CACNA1A: variants seen among roughly 807,000 people sequenced by gnomAD.
CACNA1A encodes the protein calcium voltage-gated channel subunit alpha1 A, also known as voltage-dependent P/Q-type calcium channel subunit alpha-1A.
CACNA1A carries 57 observed loss-of-function variants against 262.4 expected under a neutral mutation model. The ratio of observed to expected loss-of-function variants is 0.22; its 90% CI spans 0.18 to 0.27. The LOEUF (loss-of-function observed/expected upper bound fraction) is 0.27. CACNA1A is among the 10% of genes least tolerant of loss of function. The probability of loss-of-function intolerance (pLI) is 1.00; values close to 1 mark genes in which losing one functional copy is unlikely to be tolerated. For missense variants in CACNA1A, 2,526 were observed against 3,562.8 expected (o/e 0.71, Z 7.41); for synonymous variants, 1,431 against 1,419.3 (o/e 1.01, Z -0.18).
At chr19:13,477,264 C>T (rs1330785438) in intron 1 of CACNA1A, among the ~76,000 whole-genome samples, 1 of 152,226 alleles carries the variant, frequency 6.6e-6, no homozygotes, top group Non-Finnish European at 1.5e-5. Flanking sequence ...AACTGCCTCC[C>T]CAGCCCTTTC....
intron 4 of CACNA1A, chr19:13,366,184 G>C (rs1053076220): frequency 2.6e-5 from 4 of 152,082 alleles, no homozygotes; most frequent in African/African-American, 7.2e-5. Flanking sequence ...GGATGGTCTC[G>C]ATCTCCTGAC....
chr19:13,499,030 G>A (rs2145164088), intron 1 of CACNA1A, among the ~76,000 whole-genome samples: 1 of 152,210 alleles, frequency 6.6e-6, no homozygotes, highest in Non-Finnish European at 1.5e-5. Context: ...TTTTTAGGGA[G>A]TGAGGAGAAA....
intron 4 of CACNA1A, among the ~76,000 whole-genome samples, chr19:13,369,776 T>C (rs966233460): frequency 6.6e-6 from 1 of 152,204 alleles, no homozygotes; most frequent in Non-Finnish European, 1.5e-5. Flanking sequence ...AGTGCTGGGA[T>C]TACAGGTGTG....
chr19:13,255,730 T>TCCCTCCCTCCTTCTCTCCCG (rs2056539405), intron 28 of CACNA1A, among the ~76,000 whole-genome samples: 1 of 91,750 alleles, frequency 1.1e-5, no homozygotes, highest in Non-Finnish European at 2.1e-5. Context: ...CTTCTCTCCC[T>TCCCTCCCTCCTTCTCTCCCG]CCCTCCTTCC....
At chr19:13,208,253 G>A (rs2054651506) in intron 46 of CACNA1A, among the ~76,000 whole-genome samples, 200 bp from the exon 47 acceptor site, 1 of 146,516 alleles carries the variant, frequency 6.8e-6, no homozygotes, top group South Asian at 2.2e-4. Flanking sequence ...ACAGGGAGGA[G>A]GGAGGGGAGG....
chr19:13,282,261 T>C lies in CACNA1A; in HGVS notation c.3822+1006A>G, dbSNP rs542333522. ...AGCTTTGCCTGGGTCCTAACCTACT[T>C]AGCCAGGGCAGCAGAGCCTTGGACC... On this transcript the variant is annotated intron_variant, in intron 22 of 46. Transcript: ENST00000360228. Among the ~76,000 whole-genome samples, 70 of 152,142 alleles carry C rather than the reference T, an allele frequency of 4.6e-4. 1 individual carries two copies. The South Asian group carries it at 7.1e-3, about 15-fold the overall frequency.
chr19:13,319,939 T>C (rs1009500529), intron 10 of CACNA1A, among the ~76,000 whole-genome samples: 1 of 151,998 alleles, frequency 6.6e-6, no homozygotes, highest in Middle Eastern at 3.2e-3. Context: ...GGCCGCCACA[T>C]TGCACACCTG....
chr19:13,501,333 G>A (rs963638637), intron 1 of CACNA1A, among the ~76,000 whole-genome samples: 3 of 151,394 alleles, frequency 2.0e-5, no homozygotes, highest in Non-Finnish European at 2.9e-5. Flanking sequence ...ACAATACCAC[G>A]CCTGGCTAAT....
Position 13,267,522 on chromosome 19 carries a change from G to A in CACNA1A, c.3990-4689C>T, listed in dbSNP as rs74606740. On this transcript the variant is annotated intron_variant, in intron 24 of 46. Coordinates refer to ENST00000360228, the MANE Select transcript of CACNA1A (RefSeq NM_001127222.2). Reference sequence around the variant, plus strand: ...CCACGGAAAGTCACTGCCAAGAGCCGGAGAAACCCCTCTTCTCCAGGCGTT... The same window carrying A: ...CCACGGAAAGTCACTGCCAAGAGCCAGAGAAACCCCTCTTCTCCAGGCGTT... 3.6e-4 allele frequency among the ~76,000 whole-genome samples: 55 copies of A among 152,268 alleles called. No homozygotes were observed. In the East Asian group the frequency reaches 7.2e-3, roughly 20 times the overall value.
intron 30 of CACNA1A, among the ~76,000 whole-genome samples, chr19:13,246,820 G>A (rs1449083929): frequency 6.6e-6 from 1 of 151,958 alleles, no homozygotes; most frequent in African/African-American, 2.4e-5. Context: ...TAGAGACGGG[G>A]TTTCACCATG....
rs548755996 is a variant in CACNA1A at position 13,466,834 on chromosome 19, T to C, written c.294-11622A>G. 6.6e-5 allele frequency among the ~76,000 whole-genome samples: 10 copies of C among 152,148 alleles called. No individual in the cohort carries two copies. The East Asian group carries it at 1.2e-3, about 18-fold the overall frequency. The stretch of plus-strand genomic sequence containing the variant: ...CTCAACCATTTAGAGAAGCATGATA[T>C]GGACGGTTTTCAAGAGTCCTTCCCT... On this transcript the variant is annotated intron_variant, in intron 1 of 46. Transcript: ENST00000360228.
intron 12 of CACNA1A, among the ~76,000 whole-genome samples, chr19:13,312,009 T>C (rs993593947): frequency 1.3e-5 from 2 of 152,162 alleles, no homozygotes; most frequent in Non-Finnish European, 1.5e-5. Flanking sequence ...GGCCTGTGTC[T>C]CCTAGGTATC....
intron 3 of CACNA1A, among the ~76,000 whole-genome samples, chr19:13,417,018 G>C (rs1317341424): frequency 6.6e-6 from 1 of 152,116 alleles, no homozygotes; most frequent in African/African-American, 2.4e-5. Context: ...TGACCGAATT[G>C]CACGGTACAG....
intron 1 of CACNA1A, among the ~76,000 whole-genome samples, chr19:13,505,338 G>A (rs1982894165): frequency 6.6e-6 from 1 of 152,094 alleles, no homozygotes; most frequent in Non-Finnish European, 1.5e-5. Flanking sequence ...ACTTCGGCCA[G>A]TGCTGGCTTC....
At chr19:13,400,765 T>C (rs1416654810) in intron 3 of CACNA1A, among the ~76,000 whole-genome samples, 1 of 152,150 alleles carries the variant, frequency 6.6e-6, no homozygotes, top group Admixed American at 6.5e-5. Context: ...ATTTTGGAGC[T>C]AATAATGCAG....
At chr19:13,343,459 G>C (rs1200579939) in intron 6 of CACNA1A, among the ~76,000 whole-genome samples, 1 of 151,844 alleles carries the variant, frequency 6.6e-6, no homozygotes, top group Non-Finnish European at 1.5e-5. Flanking sequence ...ACTTCTGATT[G>C]ACTCTTTTAT....
chr19:13,390,005 C>A (rs142630585), intron 3 of CACNA1A, among the ~76,000 whole-genome samples: 2,083 of 150,688 alleles, frequency 0.014, 22 homozygotes, highest in Non-Finnish European at 0.021. Context: ...AGTACGGACG[C>A]GGTTTTACCA....
In CACNA1A at chr19:13,299,015, C is replaced by A; in HGVS notation, c.2618G>T (p.Gly873Val). 6.3e-7 allele frequency: 1 copy of A among 1,587,794 alleles called. No individual in the cohort carries two copies. Among genetic ancestry groups the A allele is most frequent in the Non-Finnish European group, 8.5e-7 (1 of 1,173,230 alleles). ...CCTCCGTGCGTCCAGGCCCGCCGAGCCGCTGGGGTCCCGGGCCCGATCGTG... is the reference window on the plus strand; with the variant it reads ...CCTCCGTGCGTCCAGGCCCGCCGAGACGCTGGGGTCCCGGGCCCGATCGTG... ...RYHDRARDPS[G>V]SAGLDARRPW... is the part of the protein sequence containing the mutation. Residue 873 changes from glycine to valine, a missense_variant, in exon 19 of 47, where the codon GGC (glycine) becomes GTC (valine). By Grantham distance (109) the Gly-to-Val change is moderately radical (BLOSUM62 -3). This residue lies in a region of CACNA1A where 765 missense variants were observed against 748.6 expected (regional missense o/e 1.02). Transcript: ENST00000360228.
chr19:13,268,685 T>C (rs979699863), intron 24 of CACNA1A, among the ~76,000 whole-genome samples: 37 of 151,958 alleles, frequency 2.4e-4, no homozygotes, highest in South Asian at 6.2e-4. Flanking sequence ...CCGCCCACCT[T>C]GGCCTCCCAA....
Sources: gnomAD v4.1 joint callset for allele counts (sites outside exome capture counted in the v4.1 genomes callset) on GRCh38, gnomAD v4.1.1 for gene constraint, gnomAD v4.1.1 regional missense constraint, MANE v1.5 for transcripts, NCBI Gene and HGNC (gene_info 2026-07-23, HGNC 2026-07-21) for gene names.